The following KDM3B variants were observed in gnomAD, a reference collection of about 807,000 sequenced individuals.
KDM3B encodes the protein lysine-specific demethylase 3B.
Under a neutral mutation model 170.0 loss-of-function variants are expected in KDM3B, and 10 were observed. The ratio of observed to expected loss-of-function variants is 0.06; its 90% CI spans 0.04 to 0.10. KDM3B has a LOEUF of 0.10. Among genes scored for constraint, KDM3B ranks in the 10% least tolerant of loss-of-function variants. The probability of loss-of-function intolerance (pLI) is 1.00; values close to 1 mark genes in which losing one functional copy is unlikely to be tolerated. For missense variants in KDM3B, 1,394 were observed against 2,195.2 expected (o/e 0.64, Z 7.29); for synonymous variants, 831 against 834.8 (o/e 1.00, Z 0.08).
intron 11 of KDM3B, among the ~76,000 whole-genome samples, chr5:138,403,243 C>A (rs984382071): frequency 2.0e-5 from 3 of 152,166 alleles, no homozygotes; most frequent in African/African-American, 4.8e-5. Context: ...CAAACAAAAC[C>A]CACTACCCAG....
chr5:138,399,333 T>C (rs1230186429), intron 10 of KDM3B, among the ~76,000 whole-genome samples: 2 of 148,520 alleles, frequency 1.3e-5, no homozygotes, highest in Non-Finnish European at 3.0e-5. Context: ...AGGTCAGGAG[T>C]TCAAGACCAG....
chr5:138,352,770 G>C lies in KDM3B; in HGVS notation c.-26G>C. 1 of 1,121,948 alleles carries C rather than the reference G, an allele frequency of 8.9e-7. No individual in the cohort carries two copies. The highest frequency in any genetic ancestry group is 1.1e-6 in the Non-Finnish European group (1 of 913,794). The allele number at this position is 1,121,948 out of a possible 1,614,324, so 69.5% of individuals were successfully genotyped here. On this transcript the variant is annotated 5_prime_UTR_variant, in exon 1 of 24. Coordinates refer to ENST00000314358, the MANE Select transcript of KDM3B (RefSeq NM_016604.4). ...GGAGGTGGTGGGAGGCGGCGGGCGG[G>C]AGCGCGGGTCAGGCCGGCCCCGGCG... is the stretch of plus-strand genomic sequence containing the variant.
At chr5:138,405,549 CA>C (rs1762796546) in intron 11 of KDM3B, among the ~76,000 whole-genome samples, 1 of 151,754 alleles carries the variant, frequency 6.6e-6, no homozygotes, top group South Asian at 2.1e-4. Flanking sequence ...CAGCTTTTCT[CA>C]AACCAAGAAA....
chr5:138,430,541 T>G, intron 22 of KDM3B, 116 bp downstream of exon 22: 2 of 910,678 alleles, frequency 2.2e-6, no homozygotes, highest in Non-Finnish European at 3.3e-6. Flanking sequence ...TCTCTTATGC[T>G]GCAACTTATT....
At chr5:138,363,139 T>A (rs751648976) in intron 1 of KDM3B, among the ~76,000 whole-genome samples, 1 of 152,118 alleles carries the variant, frequency 6.6e-6, no homozygotes, top group Non-Finnish European at 1.5e-5. Context: ...CCACACTTGC[T>A]TATCTATTCT....
rs1395093326 is a variant in KDM3B, at chr5:138,435,840, C to G, written c.*140C>G. Reference sequence around the variant, plus strand: ...CAGTATTCCAAACTCTCCAGCCACTCTCTTCTACGCTGCCTCAACACTGAA... The same window carrying G: ...CAGTATTCCAAACTCTCCAGCCACTGTCTTCTACGCTGCCTCAACACTGAA... On this transcript the variant is annotated 3_prime_UTR_variant, in exon 24 of 24. Coordinates refer to ENST00000314358, the MANE Select transcript of KDM3B (RefSeq NM_016604.4). The G allele has an allele frequency of 1.5e-6, 1 of 650,332 alleles. No individual in the cohort carries two copies. The highest frequency in any genetic ancestry group is 2.5e-5 in the Admixed American group (1 of 40,446). The allele number at this position is 650,332 out of a possible 1,614,324, so 40.3% of individuals were successfully genotyped here.
At chr5:138,417,856 C>A in intron 13 of KDM3B, 1 of 387,972 alleles carries the variant, frequency 2.6e-6, no homozygotes, top group Non-Finnish European at 4.7e-6. Context: ...AGATTCTTAG[C>A]ATCTTGTCAA....
Position 138,425,520 on chromosome 5 carries a change from A to G in KDM3B, c.4349A>G (p.Asn1450Ser), listed in dbSNP as rs1226418222. 6.2e-7 allele frequency: 1 copy of G among 1,614,136 alleles called. No individual in the cohort carries two copies. Among genetic ancestry groups the G allele is most frequent in the Admixed American group, 1.7e-5 (1 of 60,022 alleles). ...GATGTAGACTTGGTGAACTGCAGGA[A>G]CTGTGCTATAATTTCCGATGTGAAA... ...DQDVDLVNCR[N>S]CAIISDVKVR... The change falls in exon 17 of 24, where the codon AAC becomes AGC. Residue 1450 changes from asparagine (N) to serine (S), a missense_variant. Physicochemically the swap from Asn to Ser is conservative, Grantham distance 46. Coordinates refer to ENST00000314358, the MANE Select transcript of KDM3B (RefSeq NM_016604.4).
chr5:138,353,101 C>T (rs1761368790), intron 1 of KDM3B, 114 bp downstream of exon 1: 1 of 903,110 alleles, frequency 1.1e-6, no homozygotes, highest in East Asian at 3.7e-5. Context: ...TTCCGTGCCC[C>T]CGGGTCTCCT....
chr5:138,430,167 T>C, intron 21 of KDM3B, 82 bp from the exon 22 acceptor site: 1 of 1,499,580 alleles, frequency 6.7e-7, no homozygotes, highest in South Asian at 1.2e-5. Context: ...CCACCCCATC[T>C]TAGGACATTG....
At chr5:138,430,819 G>A (rs977230098) in intron 22 of KDM3B, among the ~76,000 whole-genome samples, 2 of 152,150 alleles carry the variant, frequency 1.3e-5, no homozygotes, top group African/African-American at 4.8e-5. Flanking sequence ...GAACCCGGGA[G>A]GTGGAGGTTG....
At chr5:138,359,336 A>G (rs1761540224) in intron 1 of KDM3B, among the ~76,000 whole-genome samples, 1 of 151,132 alleles carries the variant, frequency 6.6e-6, no homozygotes, top group South Asian at 2.1e-4. Flanking sequence ...TAATGTTTGT[A>G]TTTTTAGTAG....
chr5:138,396,344 C>G (rs1225376120), intron 9 of KDM3B, among the ~76,000 whole-genome samples: 1 of 152,156 alleles, frequency 6.6e-6, no homozygotes, highest in Non-Finnish European at 1.5e-5. Context: ...ATCCGCCCGC[C>G]TCAGCCTCCC....
At chr5:138,427,521 C>A (rs1763427840) in intron 19 of KDM3B, among the ~76,000 whole-genome samples, 1 of 152,218 alleles carries the variant, frequency 6.6e-6, no homozygotes, top group Non-Finnish European at 1.5e-5. Context: ...AGACCATAAG[C>A]TTACATGTCT....
chr5:138,417,358 A>G (rs1441475096), intron 12 of KDM3B, 125 bp from the exon 13 acceptor site: 5 of 945,380 alleles, frequency 5.3e-6, no homozygotes, highest in African/African-American at 1.7e-5. Flanking sequence ...AAATTGAAGT[A>G]AAAGCAGCTA....
intron 11 of KDM3B, among the ~76,000 whole-genome samples, chr5:138,410,245 A>G (rs1261250298): frequency 6.6e-6 from 1 of 152,234 alleles, no homozygotes; most frequent in Non-Finnish European, 1.5e-5. Flanking sequence ...TATGTGAAAT[A>G]CAGTGGATCT....
At chr5:138,378,780 A>C (rs1446111458) in intron 4 of KDM3B, among the ~76,000 whole-genome samples, 1 of 144,678 alleles carries the variant, frequency 6.9e-6, no homozygotes, top group Non-Finnish European at 1.6e-5. Context: ...AGATACATAT[A>C]TATATAGATT....
intron 1 of KDM3B, among the ~76,000 whole-genome samples, chr5:138,370,063 CT>C (rs1315212214): frequency 6.6e-6 from 1 of 152,304 alleles, no homozygotes; most frequent in East Asian, 1.9e-4. Flanking sequence ...ATATATCTCT[CT>C]CTTTCCAGTT....
chr5:138,436,627 A>ACAC lies in KDM3B; in HGVS notation c.*928_*930dup, dbSNP rs1763680471. On this transcript the variant is annotated 3_prime_UTR_variant, in exon 24 of 24. Transcript: ENST00000314358. Reference sequence around the variant, plus strand: ...GGTGTGTTCCCCATGTGTGTGTACAACACTGGTGACTCCAGGAACCATTTT... The same window carrying ACAC: ...GGTGTGTTCCCCATGTGTGTGTACAACACCACTGGTGACTCCAGGAACCATTTT... The ACAC allele has an allele frequency of 6.6e-6, 1 of 152,194 alleles. No homozygotes were observed. Among genetic ancestry groups the ACAC allele is most frequent in the South Asian group, 2.1e-4 (1 of 4,830 alleles). 9.4% of individuals were successfully genotyped at this position (152,194 alleles called of 1,614,324 possible).
Sources: allele counts gnomAD v4.1 joint callset (sites outside exome capture counted in the v4.1 genomes callset), GRCh38; gene constraint gnomAD v4.1.1; transcripts MANE v1.5; gene names NCBI Gene and HGNC (gene_info 2026-07-23, HGNC 2026-07-21).